TRIM15: variants seen among roughly 807,000 people sequenced by gnomAD.
TRIM15 encodes the protein E3 ubiquitin-protein ligase TRIM15.
TRIM15 carries 35 observed loss-of-function variants against 35.8 expected under a neutral mutation model. The ratio of observed to expected loss-of-function variants is 0.98; its 90% confidence interval spans 0.75 to 1.30. TRIM15 has a LOEUF of 1.30. Among genes scored for constraint, TRIM15 ranks in the 50% most tolerant of loss-of-function variants. TRIM15 has a pLI of 0.00. For synonymous variants in TRIM15, 252 were observed against 249.8 expected, an observed-to-expected ratio of 1.01 and a Z score of -0.08; for missense variants, 590 against 593.5, an observed-to-expected ratio of 0.99 and a Z score of 0.06.
intron 4 of TRIM15, chr6:30,169,620 C>T: frequency 2.0e-6 from 1 of 494,534 alleles, no homozygotes; most frequent in Non-Finnish European, 3.7e-6. Context: ...GGAATACTTT[C>T]TGTAGACTAT....
intron 1 of TRIM15, 105 bp downstream of exon 1, chr6:30,164,170 G>A (rs1440160615): frequency 2.0e-6 from 3 of 1,468,506 alleles, no homozygotes; most frequent in African/African-American, 2.8e-5. Flanking sequence ...CCACATCAGG[G>A]AACCCTAAGG....
At position 30,163,985 on chromosome 6, in the gene TRIM15, C is replaced by T. The variant is rs1773386250; in HGVS notation, c.301C>T (p.Leu101Phe). Reference protein sequence around the residue: ...YFFCENDAEFLCVFCREGPTH... With the variant: ...YFFCENDAEFFCVFCREGPTH... Reference sequence around the variant, plus strand: ...CTTCTGCGAGAACGATGCCGAGTTCCTCTGTGTGTTCTGCAGGGAGGGTCC... The same window carrying T: ...CTTCTGCGAGAACGATGCCGAGTTCTTCTGTGTGTTCTGCAGGGAGGGTCC... Residue 101 changes from leucine to phenylalanine, a missense_variant, in exon 1 of 7, where the codon CTC (leucine) becomes TTC (phenylalanine). Physicochemically the swap from Leu to Phe is conservative, Grantham distance 22. Transcript: ENST00000376694. 1 of 1,613,028 alleles carries T rather than the reference C, an allele frequency of 6.2e-7. No individual in the cohort carries two copies. The highest frequency in any genetic ancestry group is 8.5e-7 in the Non-Finnish European group (1 of 1,180,048).
In TRIM15 at chr6:30,171,970, G is replaced by A; in HGVS notation, c.1019G>A (p.Gly340Asp). The change falls in exon 7 of 7, where the codon GGC becomes GAC. Residue 340 changes from glycine (G) to aspartate (D), a missense_variant. Physicochemically the swap from Gly to Asp is moderately conservative, Grantham distance 94 (BLOSUM62 -1). Transcript: ENST00000376694. ...LRFDGLPAVL[G>D]FPGFSSGRHR... is the part of the protein sequence containing the mutation. Reference sequence around the variant, plus strand: ...TTCGACGGCCTCCCGGCGGTTCTGGGCTTCCCGGGCTTCTCCTCCGGGCGC... The same window carrying A: ...TTCGACGGCCTCCCGGCGGTTCTGGACTTCCCGGGCTTCTCCTCCGGGCGC... 6.3e-7 allele frequency: 1 copy of A among 1,588,806 alleles called. No individual in the cohort carries two copies. Among genetic ancestry groups the A allele is most frequent in the Non-Finnish European group, 8.6e-7 (1 of 1,167,302 alleles).
Position 30,172,435 on chromosome 6 carries a change from T to C in TRIM15, c.*86T>C. 1 of 1,502,700 alleles carries C rather than the reference T, an allele frequency of 6.7e-7. No homozygotes were observed. Among genetic ancestry groups the C allele is most frequent in the Non-Finnish European group, 8.9e-7 (1 of 1,125,474 alleles). The allele number at this position is 1,502,700 out of a possible 1,614,324, so 93.1% of individuals were successfully genotyped here. ...CCTGGCCAGTGTGCGGCCCGGGGGCTCCCTGTGCCCGCGTGAGGCGAGAGA... is the reference window on the plus strand; with the variant it reads ...CCTGGCCAGTGTGCGGCCCGGGGGCCCCCTGTGCCCGCGTGAGGCGAGAGA... On this transcript the variant is annotated 3_prime_UTR_variant, in exon 7 of 7. Coordinates refer to ENST00000376694, the MANE Select transcript of TRIM15 (RefSeq NM_033229.3).
intron 1 of TRIM15, among the ~76,000 whole-genome samples, chr6:30,165,454 A>AT (rs1467456674): frequency 6.6e-6 from 1 of 152,258 alleles, no homozygotes; most frequent in East Asian, 1.9e-4. Flanking sequence ...ATGCCTGCAT[A>AT]GTATTCCATG....
rs779955260 is a variant in TRIM15 at position 30,168,372 on chromosome 6, C to T, written c.550C>T (p.Arg184Ter). ...GCTGCAGCAGGAGCTGGAGCAGCAG[C>T]GATGTCTCCTGCTGGCCAGGCTGAG... is the stretch of plus-strand genomic sequence containing the variant. The part of the protein sequence containing the change: ...ERLQQELEQQ[R>*]CLLLARLREL... Residue 184 changes from arginine to a stop codon, truncating the protein, a stop_gained, in exon 3 of 7, where the codon CGA becomes TGA. Transcript: ENST00000376694. LOFTEE classifies it high-confidence loss of function. The T allele has an allele frequency of 5.6e-6, 9 of 1,612,836 alleles. No homozygotes were observed. The Admixed American group carries it at 8.3e-5, about 15-fold the overall frequency.
intron 6 of TRIM15, 141 bp downstream of exon 6, chr6:30,171,149 G>A: frequency 2.2e-6 from 2 of 909,052 alleles, no homozygotes; most frequent in Non-Finnish European, 3.4e-6. Context: ...CTGAGACACT[G>A]GGCAAGTTAT....
In TRIM15 at chr6:30,172,577, C is replaced by A; in HGVS notation, c.*228C>A. On this transcript the variant is annotated 3_prime_UTR_variant, in exon 7 of 7. Transcript: ENST00000376694. ...CTGGCCTTCTCTGTACCTCAGAGTG[C>A]AGAACCACAGACGGCTTCGGCTGTG... 1 of 740,236 alleles carries A rather than the reference C, an allele frequency of 1.4e-6. No homozygotes were observed. The highest frequency in any genetic ancestry group is 2.4e-6 in the Non-Finnish European group (1 of 422,188). 45.9% of individuals were successfully genotyped at this position (740,236 alleles called of 1,614,324 possible).
chr6:30,172,153 C>T lies in TRIM15; in HGVS notation c.1202C>T (p.Ser401Phe), dbSNP rs758233481. The T allele has an allele frequency of 3.8e-6, 6 of 1,592,318 alleles. No homozygotes were observed. Among genetic ancestry groups the T allele is most frequent in the Non-Finnish European group, 4.3e-6 (5 of 1,170,054 alleles). Residue 401 changes from serine to phenylalanine, a missense_variant, in exon 7 of 7, where the codon TCC becomes TTC. Coordinates refer to ENST00000376694, the MANE Select transcript of TRIM15 (RefSeq NM_033229.3). ...ISHQQCWAST[S>F]PGTDLPLSEI... Reference sequence around the variant, plus strand: ...CACCAGCAGTGCTGGGCCAGCACCTCCCCGGGCACCGACCTGCCGCTGAGC... The same window carrying T: ...CACCAGCAGTGCTGGGCCAGCACCTTCCCGGGCACCGACCTGCCGCTGAGC...
chr6:30,169,514 C>G, intron 4 of TRIM15: 2 of 696,794 alleles, frequency 2.9e-6, no homozygotes, highest in Non-Finnish European at 2.6e-6. Flanking sequence ...AAATAATAAT[C>G]ATGTTTTTAG....
At position 30,172,198 on chromosome 6, in the gene TRIM15, G is replaced by C; in HGVS notation, c.1247G>C (p.Arg416Thr). ...CTGAGCGAGATCCCGCGCGGCGTGA[G>C]AGTCGCCCTGGACTACGAGGCGGGG... ...LPLSEIPRGV[R>T]VALDYEAGQV... The change falls in exon 7 of 7, where the codon AGA becomes ACA. Residue 416 changes from arginine to threonine, a missense_variant. Arg to Thr is a moderately conservative substitution (Grantham distance 71). Transcript: ENST00000376694. 6.2e-7 allele frequency: 1 copy of C among 1,610,334 alleles called. No individual in the cohort carries two copies. The highest frequency in any genetic ancestry group is 8.5e-7 in the Non-Finnish European group (1 of 1,178,914).
rs1306043600 is a variant in TRIM15, at chr6:30,172,343, A to T, written c.1392A>T (p.Lys464Asn). Reference sequence around the variant, plus strand: ...AAAAAGGTTCCTGCCTTACGCTGAAAGGCTGAAGTGGGGCGCGCGAAGGGC... The same window carrying T: ...AAAAAGGTTCCTGCCTTACGCTGAATGGCTGAAGTGGGGCGCGCGAAGGGC... ...VWKKGSCLTL[K>N]G is the part of the protein sequence containing the mutation. The change falls in exon 7 of 7, where the codon AAA (lysine) becomes AAT (asparagine). Residue 464 changes from lysine (K) to asparagine (N), a missense_variant. Transcript: ENST00000376694. The T allele has an allele frequency of 6.2e-7, 1 of 1,602,080 alleles. No individual in the cohort carries two copies. Among genetic ancestry groups the T allele is most frequent in the South Asian group, 1.1e-5 (1 of 89,722 alleles).
Position 30,163,996 on chromosome 6 carries a change from C to T in TRIM15, c.312C>T (p.Phe104=). Residue 104 remains phenylalanine (F), a synonymous_variant, in exon 1 of 7, where the codon TTC becomes TTT. Coordinates refer to ENST00000376694, the MANE Select transcript of TRIM15 (RefSeq NM_033229.3). ...CENDAEFLCV[F]CREGPTHQAH... ...ACGATGCCGAGTTCCTCTGTGTGTT[C>T]TGCAGGGAGGGTCCCACGCACCAGG... The T allele has an allele frequency of 6.2e-7, 1 of 1,613,140 alleles. No homozygotes were observed. The highest frequency in any genetic ancestry group is 1.3e-5 in the African/African-American group (1 of 75,076).
chr6:30,165,093 G>A (rs1323011040), intron 1 of TRIM15, among the ~76,000 whole-genome samples: 1 of 151,588 alleles, frequency 6.6e-6, no homozygotes, highest in Non-Finnish European at 1.5e-5. Context: ...CAATTCAGGG[G>A]CACTAAGTCC....
chr6:30,171,971 C>T lies in TRIM15; in HGVS notation c.1020C>T (p.Gly340=), dbSNP rs947737471. ...TCGACGGCCTCCCGGCGGTTCTGGG[C>T]TTCCCGGGCTTCTCCTCCGGGCGCC... is the stretch of plus-strand genomic sequence containing the variant. ...LRFDGLPAVL[G]FPGFSSGRHR... The change falls in exon 7 of 7, where the codon GGC becomes GGT. Residue 340 remains glycine, a synonymous_variant. Coordinates refer to ENST00000376694, the MANE Select transcript of TRIM15 (RefSeq NM_033229.3). 2 of 1,588,764 alleles carry T rather than the reference C, an allele frequency of 1.3e-6. No homozygotes were observed. The highest frequency in any genetic ancestry group is 1.7e-6 in the Non-Finnish European group (2 of 1,167,354).
At chr6:30,168,687 A>G (rs2127458818) in intron 3 of TRIM15, 157 bp downstream of exon 3, 1 of 717,022 alleles carries the variant, frequency 1.4e-6, no homozygotes. Flanking sequence ...CAAGTCATAC[A>G]CTGTGGTCAT....
intron 1 of TRIM15, among the ~76,000 whole-genome samples, chr6:30,166,796 G>T (rs1773630090): frequency 6.6e-6 from 1 of 152,134 alleles, no homozygotes; most frequent in Non-Finnish European, 1.5e-5. Context: ...GTGGTTTGTA[G>T]TTCTCCTTGA....
At chr6:30,165,618 A>G (rs897328056) in intron 1 of TRIM15, among the ~76,000 whole-genome samples, 2 of 152,250 alleles carry the variant, frequency 1.3e-5, no homozygotes, top group African/African-American at 2.4e-5. Context: ...GTATATACCC[A>G]GTAATGGGAT....
rs1236194593 is a variant in TRIM15 at position 30,165,335 on chromosome 6, T to C, written c.381+1270T>C. Among the ~76,000 whole-genome samples, 3 of 152,322 alleles carry C rather than the reference T, an allele frequency of 2.0e-5. No homozygotes were observed. The East Asian group carries it at 5.8e-4, about 29-fold the overall frequency. On this transcript the variant is annotated intron_variant, in intron 1 of 6. Coordinates refer to ENST00000376694, the MANE Select transcript of TRIM15 (RefSeq NM_033229.3). ...GTTCTCATTGTTCACCTCCCACTTATGAGTAAGAACATGTGGTGTTTGGTT... is the reference window on the plus strand; with the variant it reads ...GTTCTCATTGTTCACCTCCCACTTACGAGTAAGAACATGTGGTGTTTGGTT...
Sources: gnomAD v4.1 joint callset for allele counts (sites outside exome capture counted in the v4.1 genomes callset) on GRCh38, gnomAD v4.1.1 for gene constraint, MANE v1.5 for transcripts, NCBI Gene and HGNC (gene_info 2026-07-23, HGNC 2026-07-21) for gene names.